HDAC9: variants seen among roughly 807,000 people sequenced by gnomAD.
HDAC9 encodes MEF-2 interacting transcription repressor (MITR) protein.
Under a neutral mutation model 139.4 loss-of-function variants are expected in HDAC9, and 41 were observed. The observed-to-expected ratio is 0.29, with a 90% CI of 0.23 to 0.38. HDAC9 has a LOEUF of 0.38. Among genes scored for constraint, HDAC9 ranks in the 10% least tolerant of loss-of-function variants. HDAC9 has a pLI of 1.00. For synonymous variants in HDAC9, 517 were observed against 476.2 expected (o/e 1.09, Z -1.12); for missense variants, 1,147 against 1,297.0 (o/e 0.88, Z 1.78).
chr7:18,425,535 C>A (rs1201652656), intron 1 of HDAC9, among the ~76,000 whole-genome samples: 3 of 152,106 alleles, frequency 2.0e-5, no homozygotes, highest in Admixed American at 2.0e-4. Flanking sequence ...TTCAAAATAT[C>A]AGAGTGGATG....
intron 1 of HDAC9, among the ~76,000 whole-genome samples, chr7:18,385,663 G>A (rs1333556454): frequency 1.3e-5 from 2 of 152,080 alleles, no homozygotes; most frequent in Non-Finnish European, 1.5e-5. Flanking sequence ...GGAACTATTC[G>A]CTAATAGCCA....
chr7:18,895,067 A>G (rs549740949), intron 22 of HDAC9, among the ~76,000 whole-genome samples: 21 of 152,258 alleles, frequency 1.4e-4, no homozygotes, highest in Middle Eastern at 3.4e-3. Context: ...GTATGGCATA[A>G]TTATCTACAG....
At chr7:18,216,101 C>CGT (rs1327554016) in intron 2 of HDAC9, among the ~76,000 whole-genome samples, 37 of 127,456 alleles carry the variant, frequency 2.9e-4, no homozygotes, top group African/African-American at 1.3e-3. Flanking sequence ...TGTGTGCCTG[C>CGT]GTGTCTGTGT....
rs183544555 is a variant in HDAC9 at position 18,703,456 on chromosome 7, C to T, written c.1732-24124C>T. On this transcript the variant is annotated intron_variant, in intron 12 of 25. Coordinates refer to ENST00000686413, the MANE Select transcript of HDAC9 (RefSeq NM_178425.4). ...TCTCATTGGTGAATTTCTGATTGTA[C>T]GAATTAATATTAATAACTGACCTTT... is the stretch of plus-strand genomic sequence containing the variant. 1.8e-3 allele frequency among the ~76,000 whole-genome samples: 276 copies of T among 152,204 alleles called. 1 individual carries two copies. Among genetic ancestry groups the T allele is most frequent in the Middle Eastern group, 0.017 (5 of 294 alleles).
chr7:18,346,006 A>ATTTTTCTCAAT (rs1782391184), intron 1 of HDAC9, among the ~76,000 whole-genome samples: 1 of 152,014 alleles, frequency 6.6e-6, no homozygotes, highest in Non-Finnish European at 1.5e-5. Flanking sequence ...TCAGGAACTC[A>ATTTTTCTCAAT]TTTTTCTCAA....
chr7:18,807,403 C>A (rs538852125), intron 17 of HDAC9, among the ~76,000 whole-genome samples: 2 of 151,916 alleles, frequency 1.3e-5, no homozygotes, highest in East Asian at 1.9e-4. Flanking sequence ...GTTTTGTTGA[C>A]CTTTTCTAAT....
At chr7:18,576,481 G>A (rs529469988) in intron 2 of HDAC9, among the ~76,000 whole-genome samples, 31 of 152,078 alleles carry the variant, frequency 2.0e-4, no homozygotes, top group African/African-American at 7.0e-4. Context: ...GGCAAATGTA[G>A]TAAAACCCCA....
At chr7:18,878,425 G>T (rs527899933) in intron 22 of HDAC9, among the ~76,000 whole-genome samples, 1 of 152,194 alleles carries the variant, frequency 6.6e-6, no homozygotes, top group Non-Finnish European at 1.5e-5. Context: ...ATAAACATGT[G>T]AAATACATTC....
chr7:18,245,311 A>G (rs1794451953), intron 2 of HDAC9, among the ~76,000 whole-genome samples: 1 of 152,250 alleles, frequency 6.6e-6, no homozygotes, highest in Non-Finnish European at 1.5e-5. Flanking sequence ...AAATGGGTTC[A>G]TATGTCTTCC....
chr7:18,379,769 A>G (rs1303704578), intron 1 of HDAC9, among the ~76,000 whole-genome samples: 2 of 152,212 alleles, frequency 1.3e-5, no homozygotes, highest in Non-Finnish European at 2.9e-5. Context: ...GGCTTGCGGT[A>G]CATTATTGGC....
At chr7:18,785,340 C>G (rs2078868) in intron 16 of HDAC9, among the ~76,000 whole-genome samples, 2 of 151,400 alleles carry the variant, frequency 1.3e-5, no homozygotes, top group Non-Finnish European at 2.9e-5. Flanking sequence ...AAAAAAAAAA[C>G]CATGCATCGT....
intron 1 of HDAC9, among the ~76,000 whole-genome samples, chr7:18,407,373 T>A (rs1423346576): frequency 3.3e-5 from 5 of 152,198 alleles, no homozygotes; most frequent in African/African-American, 1.2e-4. Flanking sequence ...TGTTGCACAT[T>A]AAAATCTTGT....
chr7:18,730,166 A>G (rs1327707437), intron 13 of HDAC9, among the ~76,000 whole-genome samples: 9 of 152,222 alleles, frequency 5.9e-5, no homozygotes, highest in Non-Finnish European at 1.2e-4. Flanking sequence ...AAATATATAT[A>G]TACTTGATAT....
chr7:18,605,826 G>T (rs754817146), intron 6 of HDAC9, among the ~76,000 whole-genome samples: 3 of 151,984 alleles, frequency 2.0e-5, no homozygotes, highest in African/African-American at 7.3e-5. Context: ...GACTACAGGC[G>T]CCCTCCACCA....
intron 22 of HDAC9, among the ~76,000 whole-genome samples, chr7:18,902,130 G>C (rs60362574): frequency 0.15 from 23,258 of 152,202 alleles, 2,758 homozygotes; most frequent in East Asian, 0.48. Context: ...AGAATGTACT[G>C]CATCCCAAAC....
At chr7:18,113,933 A>G (rs986785565) in intron 1 of HDAC9, among the ~76,000 whole-genome samples, 1 of 152,196 alleles carries the variant, frequency 6.6e-6, no homozygotes, top group Non-Finnish European at 1.5e-5. Flanking sequence ...TTGAATATAC[A>G]TATGTAATCT....
chr7:18,925,074 T>G (rs1370866028), intron 22 of HDAC9, among the ~76,000 whole-genome samples: 3 of 152,194 alleles, frequency 2.0e-5, no homozygotes, highest in African/African-American at 7.2e-5. Flanking sequence ...GTGGATCAGT[T>G]TTAACTACTG....
intron 1 of HDAC9, among the ~76,000 whole-genome samples, chr7:18,376,134 C>G (rs755701335): frequency 6.6e-6 from 1 of 151,856 alleles, no homozygotes; most frequent in Non-Finnish European, 1.5e-5. Context: ...AGAAATGAGG[C>G]CCTGGAGGGA....
chr7:18,182,910 C>G (rs372871388), intron 2 of HDAC9, among the ~76,000 whole-genome samples: 1 of 151,982 alleles, frequency 6.6e-6, no homozygotes, highest in African/African-American at 2.4e-5. Context: ...AATTAAAAAA[C>G]GGAAGAAAGA....
Sources: gnomAD v4.1 joint callset for allele counts (sites outside exome capture counted in the v4.1 genomes callset) on GRCh38, gnomAD v4.1.1 for gene constraint, MANE v1.5 for transcripts, NCBI Gene and HGNC (gene_info 2026-07-23, HGNC 2026-07-21) for gene names.